NRG1: variants seen among roughly 807,000 people sequenced by gnomAD.
NRG1 encodes neuregulin 1, also known as pro-neuregulin-1, membrane-bound isoform.
NRG1 carries 18 observed loss-of-function variants against 63.8 expected under a neutral mutation model. That is an observed-to-expected ratio of 0.28 (90% confidence interval 0.19 to 0.42). The LOEUF (loss-of-function observed/expected upper bound fraction) is 0.42. Ranked by LOEUF, NRG1 falls within the 10% of genes least tolerant of loss-of-function variation. The pLI is 1.00. For missense variants in NRG1, 762 were observed against 814.7 expected, an observed-to-expected ratio of 0.94 and a Z score of 0.79; for synonymous variants, 302 against 301.3, an observed-to-expected ratio of 1.00 and a Z score of -0.02.
At chr8:32,438,935 TTGTCGGATA>T (rs1433899803) in intron 1 of NRG1, among the ~76,000 whole-genome samples, 5 of 152,188 alleles carry the variant, frequency 3.3e-5, no homozygotes, top group African/African-American at 1.2e-4. Flanking sequence ...TAGCAGTCCT[TTGTCGGATA>T]TGTGATTTAC....
chr8:32,307,627 G>GTT (rs1554503443), intron 1 of NRG1, among the ~76,000 whole-genome samples: 2 of 149,946 alleles, frequency 1.3e-5, no homozygotes, highest in Non-Finnish European at 3.0e-5. Flanking sequence ...GTGTGTGTGT[G>GTT]TTTGTGTGTT....
intron 1 of NRG1, among the ~76,000 whole-genome samples, chr8:32,476,179 C>G (rs1213985276): frequency 6.6e-6 from 1 of 152,066 alleles, no homozygotes. Flanking sequence ...GAGAAGATAT[C>G]TTTCTGTGAG....
At chr8:32,524,665 T>C (rs1182335915) in intron 1 of NRG1, among the ~76,000 whole-genome samples, 1 of 152,166 alleles carries the variant, frequency 6.6e-6, no homozygotes, top group Non-Finnish European at 1.5e-5. Context: ...ACTTGATGCC[T>C]CTGTCTATCA....
chr8:32,517,908 C>A (rs1829986193), intron 1 of NRG1, among the ~76,000 whole-genome samples: 1 of 151,888 alleles, frequency 6.6e-6, no homozygotes, highest in South Asian at 2.1e-4. Context: ...AACATGTAAA[C>A]ACAAATTGGT....
intron 1 of NRG1, among the ~76,000 whole-genome samples, chr8:32,462,091 T>G (rs1822392689): frequency 6.6e-6 from 1 of 152,182 alleles, no homozygotes; most frequent in African/African-American, 2.4e-5. Flanking sequence ...ATTTACCTTT[T>G]TATTGGGGAG....
At chr8:31,692,662 T>C (rs1473337253) in intron 1 of NRG1, among the ~76,000 whole-genome samples, 2 of 152,196 alleles carry the variant, frequency 1.3e-5, no homozygotes, top group Admixed American at 6.5e-5. Context: ...TTGATATGGA[T>C]ACAAGTTCTA....
Position 31,852,053 on chromosome 8 carries a change from G to A in NRG1, c.37+212622G>A, listed in dbSNP as rs576380682. Among the ~76,000 whole-genome samples, 10 of 150,150 alleles carry A rather than the reference G, an allele frequency of 6.7e-5. No individual in the cohort carries two copies. The East Asian group carries it at 1.2e-3, about 18-fold the overall frequency. On this transcript the variant is annotated intron_variant, in intron 1 of 10. Transcript: ENST00000519301. The stretch of plus-strand genomic sequence containing the variant: ...TTCCAAGTCTTTGCTATTGTGAATA[G>A]TGCCGCAATAAACATACGTGTGCAT...
intron 1 of NRG1, among the ~76,000 whole-genome samples, chr8:32,274,826 C>A (rs1851920419): frequency 6.6e-6 from 1 of 152,044 alleles, no homozygotes; most frequent in Non-Finnish European, 1.5e-5. Flanking sequence ...AAACAGGTTG[C>A]TTTTTAGAAG....
intron 1 of NRG1, among the ~76,000 whole-genome samples, chr8:32,495,595 T>C (rs1827114954): frequency 6.6e-6 from 1 of 152,100 alleles, no homozygotes; most frequent in Admixed American, 6.5e-5. Flanking sequence ...CCCGAGCAGC[T>C]GGGATTACAG....
At chr8:32,446,632 G>A (rs1356793803) in intron 1 of NRG1, among the ~76,000 whole-genome samples, 1 of 148,224 alleles carries the variant, frequency 6.7e-6, no homozygotes, top group Non-Finnish European at 1.5e-5. Context: ...TCCAACCTGG[G>A]CAACAGAGTG....
chr8:32,631,239 G>A (rs1450480397), intron 5 of NRG1, among the ~76,000 whole-genome samples: 3 of 152,022 alleles, frequency 2.0e-5, no homozygotes, highest in African/African-American at 7.2e-5. Flanking sequence ...GGATTAATTG[G>A]GATTACAACT....
At chr8:31,869,691 A>G (rs553764808) in intron 1 of NRG1, among the ~76,000 whole-genome samples, 18 of 152,306 alleles carry the variant, frequency 1.2e-4, no homozygotes, top group African/African-American at 4.3e-4. Flanking sequence ...TACCTAAGAC[A>G]CTTGTGATTT....
intron 1 of NRG1, among the ~76,000 whole-genome samples, chr8:32,257,115 A>C (rs1849812071): frequency 6.6e-6 from 1 of 152,144 alleles, no homozygotes; most frequent in Non-Finnish European, 1.5e-5. Context: ...AAGCCTCAGT[A>C]ATGGTGGACA....
chr8:32,691,304 G>C (rs1811578622), intron 5 of NRG1, among the ~76,000 whole-genome samples: 1 of 152,144 alleles, frequency 6.6e-6, no homozygotes, highest in Admixed American at 6.5e-5. Flanking sequence ...AGTGAGCCGA[G>C]ATTCTGCCAC....
chr8:31,758,234 G>T (rs749747369), intron 1 of NRG1, among the ~76,000 whole-genome samples: 1 of 151,884 alleles, frequency 6.6e-6, no homozygotes, highest in Non-Finnish European at 1.5e-5. Flanking sequence ...AAAAGGCCCC[G>T]GTGTGTGATG....
Position 31,679,756 on chromosome 8 carries a change from G to A in NRG1, c.37+40325G>A, listed in dbSNP as rs116220189. On this transcript the variant is annotated intron_variant, in intron 1 of 10. Coordinates refer to the NRG1 transcript ENST00000519301. ...AAAGAAGAATTATTAGTATTGAAGA[G>A]GAAGAAACAATGCTATCCCTAGTCT... Among the ~76,000 whole-genome samples the A allele has an allele frequency of 4.2e-3, 644 of 152,128 alleles. 8 individuals carry two copies. The highest frequency in any genetic ancestry group is 0.014 in the African/African-American group (600 of 41,540).
intron 1 of NRG1, among the ~76,000 whole-genome samples, chr8:32,432,612 C>A (rs181870090): frequency 1.3e-5 from 2 of 152,168 alleles, no homozygotes; most frequent in Admixed American, 6.5e-5. Flanking sequence ...CAGGTTCAAG[C>A]GATTCTTGTT....
At chr8:32,104,828 C>T (rs1386508186) in intron 1 of NRG1, among the ~76,000 whole-genome samples, 1 of 152,064 alleles carries the variant, frequency 6.6e-6, no homozygotes, top group Admixed American at 6.6e-5. Flanking sequence ...ATAACAAGCA[C>T]GAAGCTGTCA....
Position 32,759,399 on chromosome 8 carries a change from C to T in NRG1, c.1015C>T (p.His339Tyr), listed in dbSNP as rs758262997. 9 of 1,613,784 alleles carry T rather than the reference C, an allele frequency of 5.6e-6. No individual in the cohort carries two copies. In the East Asian group the frequency reaches 1.8e-4, roughly 32 times the overall value. The change falls in exon 10 of 12, where the codon CAT becomes TAT. Residue 339 changes from histidine (H) to tyrosine (Y), a missense_variant. Transcript: ENST00000356819. ...CACCAGTCACTATACTTCCACAGCC[C>T]ATCACTCCACTACTGTCACCCAGAC...
Sources: allele counts gnomAD v4.1 joint callset (sites outside exome capture counted in the v4.1 genomes callset), GRCh38; gene constraint gnomAD v4.1.1; transcripts MANE v1.5; gene names NCBI Gene and HGNC (gene_info 2026-07-23, HGNC 2026-07-21).